Variants in MAP2K5 observed in about 807,000 individuals in gnomAD.
MAP2K5 encodes mitogen-activated protein kinase kinase 5.
A neutral mutation model predicts 83.1 loss-of-function variants in MAP2K5; 49 were observed. The observed-to-expected ratio is 0.59, with a 90% CI of 0.47 to 0.75. The LOEUF is 0.75. MAP2K5 is among the 30% of genes least tolerant of loss of function. The pLI is 0.00. For missense variants in MAP2K5, 457 were observed against 557.5 expected (o/e 0.82, Z 1.82); for synonymous variants, 202 against 191.8 (o/e 1.05, Z -0.44).
At chr15:67,663,989 T>G (rs897193074) in intron 12 of MAP2K5, among the ~76,000 whole-genome samples, 2 of 152,214 alleles carry the variant, frequency 1.3e-5, no homozygotes, top group African/African-American at 4.8e-5. Flanking sequence ...TCTCCTTCCC[T>G]GGCTTAGCAT....
In MAP2K5 at chr15:67,783,055, G is replaced by C. The variant is rs2090355559; in HGVS notation, c.1242+10303G>C. On this transcript the variant is annotated intron_variant, in intron 21 of 21. Coordinates refer to ENST00000178640, the MANE Select transcript of MAP2K5 (RefSeq NM_145160.3). The surrounding 1 kb of genome is among the most constrained non-coding windows in gnomAD (Gnocchi z 5.1). ...TCTGGTGCAGATTTGTATTGCAGAAGCCTTTTCTACTGTTGTGAGACATGG... is the reference window on the plus strand; with the variant it reads ...TCTGGTGCAGATTTGTATTGCAGAACCCTTTTCTACTGTTGTGAGACATGG... Among the ~76,000 whole-genome samples the C allele has an allele frequency of 6.6e-6, 1 of 152,254 alleles. No individual in the cohort carries two copies.
At chr15:67,709,488 A>AG (rs1005634735) in intron 16 of MAP2K5, among the ~76,000 whole-genome samples, 1 of 151,852 alleles carries the variant, frequency 6.6e-6, no homozygotes, top group African/African-American at 2.4e-5. Context: ...CAAAAAAAAA[A>AG]AAAAAACTAC....
chr15:67,653,982 T>C (rs769223890), intron 11 of MAP2K5, among the ~76,000 whole-genome samples: 1 of 152,198 alleles, frequency 6.6e-6, no homozygotes, highest in Non-Finnish European at 1.5e-5. Context: ...TTTCCACATA[T>C]GCGTACTTGA....
At chr15:67,716,780 T>C (rs1172279361) in intron 16 of MAP2K5, among the ~76,000 whole-genome samples, 2 of 152,166 alleles carry the variant, frequency 1.3e-5, no homozygotes, top group Non-Finnish European at 2.9e-5. Context: ...TCTTGCTCAG[T>C]GTCATTCTAA....
intron 13 of MAP2K5, among the ~76,000 whole-genome samples, chr15:67,674,136 C>T (rs1010735993): frequency 3.3e-5 from 5 of 152,264 alleles, no homozygotes; most frequent in African/African-American, 9.6e-5. Flanking sequence ...CATGAGCCAC[C>T]GTGCCCGGCC....
At chr15:67,743,873 T>C (rs2089546653) in intron 17 of MAP2K5, among the ~76,000 whole-genome samples, 1 of 152,188 alleles carries the variant, frequency 6.6e-6, no homozygotes, top group Admixed American at 6.5e-5. Flanking sequence ...AGATGACAGC[T>C]CTAAGCCCCA....
At chr15:67,667,067 A>G (rs2087399114) in intron 13 of MAP2K5, among the ~76,000 whole-genome samples, 1 of 152,242 alleles carries the variant, frequency 6.6e-6, no homozygotes, top group African/African-American at 2.4e-5. Flanking sequence ...GAAGCGTCAA[A>G]GAAGCCAGGT....
chr15:67,738,956 G>A lies in MAP2K5; in HGVS notation c.1075-9275G>A, dbSNP rs571673841. On this transcript the variant is annotated intron_variant, in intron 17 of 21. Transcript: ENST00000178640. This position sits in a 1 kb window ranked among gnomAD's most constrained non-coding sequence, Gnocchi z 4.1. ...CTGATTGTACCTATATCAAAATATG[G>A]GAGGTGTGAAGTAAAACTCTGAATC... 6.6e-6 allele frequency among the ~76,000 whole-genome samples: 1 copy of A among 152,118 alleles called. No individual in the cohort carries two copies. The highest frequency in any genetic ancestry group is 1.9e-4 in the East Asian group (1 of 5,152).
intron 7 of MAP2K5, among the ~76,000 whole-genome samples, chr15:67,599,192 T>C (rs1212490226): frequency 6.6e-6 from 1 of 152,242 alleles, no homozygotes; most frequent in African/African-American, 2.4e-5. Context: ...ATATTTTTTT[T>C]CTGTATTAGT....
chr15:67,664,619 T>A lies in MAP2K5; in HGVS notation c.821T>A (p.Leu274Ter), dbSNP rs758545538. 6.3e-7 allele frequency: 1 copy of A among 1,598,216 alleles called. No homozygotes were observed. Among genetic ancestry groups the A allele is most frequent in the Non-Finnish European group, 8.6e-7 (1 of 1,165,994 alleles). Reference protein sequence around the residue: ...AVAVVKGLTYLWSLKILHRDV... With the variant: ...AVAVVKGLTY Reference sequence around the variant, plus strand: ...TAGGTTGTTAAAGGCCTTACTTATTTGTGGAGTTTAAAGATTTTACATAGA... The same window carrying A: ...TAGGTTGTTAAAGGCCTTACTTATTAGTGGAGTTTAAAGATTTTACATAGA... Residue 274 changes from leucine (L) to a stop codon, truncating the protein, a stop_gained, in exon 13 of 22, where the codon TTG (leucine) becomes TAG (stop). Transcript: ENST00000178640. LOFTEE classifies it high-confidence loss of function.
chr15:67,598,722 A>G lies in MAP2K5; in HGVS notation c.481-1963A>G, dbSNP rs2085582932. The stretch of plus-strand genomic sequence containing the variant: ...ACATGCCATACCTACCCCTTTGCCT[A>G]TGAAGTGGTGGAGGGGATATGACTG... On this transcript the variant is annotated intron_variant, in intron 7 of 21. Transcript: ENST00000178640. 2.0e-5 allele frequency among the ~76,000 whole-genome samples: 3 copies of G among 152,134 alleles called. No homozygotes were observed. The South Asian group carries it at 6.2e-4, about 32-fold the overall frequency.
chr15:67,730,066 G>A (rs1345303564), intron 17 of MAP2K5, among the ~76,000 whole-genome samples: 1 of 152,140 alleles, frequency 6.6e-6, no homozygotes, highest in Non-Finnish European at 1.5e-5. Context: ...CTTTGATGCC[G>A]TTAGGCCTAT....
At chr15:67,642,336 G>A (rs889992563) in intron 9 of MAP2K5, 9 of 1,060,218 alleles carry the variant, frequency 8.5e-6, no homozygotes, top group African/African-American at 6.3e-5. Context: ...GAGTGCTGGG[G>A]GGGATAGAAA....
At position 67,546,844 on chromosome 15, in the gene MAP2K5, C is replaced by G. The variant is rs912431746; in HGVS notation, c.136-3190C>G. Among the ~76,000 whole-genome samples the G allele has an allele frequency of 2.6e-5, 4 of 152,024 alleles. No individual in the cohort carries two copies. In the South Asian group the frequency reaches 8.3e-4, roughly 32 times the overall value. ...CTTTGGGAGGCCGAGGTGGGTAGAT[C>G]GCTTAAACTCAGGAGTTCGAGACCA... is the stretch of plus-strand genomic sequence containing the variant. On this transcript the variant is annotated intron_variant, in intron 1 of 21. Coordinates refer to ENST00000178640, the MANE Select transcript of MAP2K5 (RefSeq NM_145160.3).
chr15:67,725,746 C>T (rs954278990), intron 16 of MAP2K5, among the ~76,000 whole-genome samples: 2 of 152,192 alleles, frequency 1.3e-5, no homozygotes, highest in African/African-American at 4.8e-5. Context: ...ACTGTGATAC[C>T]TGTTAAGACA....
At position 67,552,380 on chromosome 15, in the gene MAP2K5, T is replaced by G. The variant is rs2084528712; in HGVS notation, c.184+2298T>G. Among the ~76,000 whole-genome samples, 1 of 152,220 alleles carries G rather than the reference T, an allele frequency of 6.6e-6. No individual in the cohort carries two copies. Among genetic ancestry groups the G allele is most frequent in the African/African-American group, 2.4e-5 (1 of 41,456 alleles). ...TACTTACTGTTGACAGATGCTTTGC[T>G]AAGAGCATTCCATGGGTTATCTTAT... is the stretch of plus-strand genomic sequence containing the variant. On this transcript the variant is annotated intron_variant, in intron 2 of 21. Coordinates refer to ENST00000178640, the MANE Select transcript of MAP2K5 (RefSeq NM_145160.3). The surrounding 1 kb of genome is among the most constrained non-coding windows in gnomAD (Gnocchi z 4.2).
At chr15:67,744,472 G>A (rs941768808) in intron 17 of MAP2K5, among the ~76,000 whole-genome samples, 3 of 152,210 alleles carry the variant, frequency 2.0e-5, no homozygotes, top group African/African-American at 2.4e-5. Context: ...ATCTGACCTA[G>A]GTCACACATA....
In MAP2K5 at chr15:67,587,698, C is replaced by T. The variant is rs552563758; in HGVS notation, c.431+785C>T. Among the ~76,000 whole-genome samples, 14 of 152,268 alleles carry T rather than the reference C, an allele frequency of 9.2e-5. No homozygotes were observed. In the South Asian group the frequency reaches 2.5e-3, roughly 27 times the overall value. Reference sequence around the variant, plus strand: ...GTTAAGCCCTCAGAACGTGGTTGTTCCCTCTTCCAGGTCAACAGCTCTTCC... The same window carrying T: ...GTTAAGCCCTCAGAACGTGGTTGTTTCCTCTTCCAGGTCAACAGCTCTTCC... On this transcript the variant is annotated intron_variant, in intron 6 of 21. Coordinates refer to ENST00000178640, the MANE Select transcript of MAP2K5 (RefSeq NM_145160.3). This position sits in a 1 kb window ranked among gnomAD's most constrained non-coding sequence, Gnocchi z 4.8.
At chr15:67,632,467 T>A (rs2086497203) in intron 9 of MAP2K5, among the ~76,000 whole-genome samples, 1 of 152,192 alleles carries the variant, frequency 6.6e-6, no homozygotes, top group South Asian at 2.1e-4. Context: ...CTACTTTAGA[T>A]TAGGAGACTG....
Sources: allele counts gnomAD v4.1 joint callset (sites outside exome capture counted in the v4.1 genomes callset), GRCh38; gene constraint gnomAD v4.1.1; non-coding constraint Gnocchi (gnomAD v3.1); transcripts MANE v1.5; gene names NCBI Gene and HGNC (gene_info 2026-07-23, HGNC 2026-07-21).